Variants in ATG7 observed in about 807,000 individuals in gnomAD.
The protein encoded by ATG7 is ubiquitin-like modifier-activating enzyme ATG7.
ATG7 carries 70 observed loss-of-function variants against 82.4 expected under a neutral mutation model. The observed-to-expected ratio is 0.85, with a 90% CI of 0.70 to 1.04. ATG7 has a LOEUF of 1.04. Among genes scored for constraint, ATG7 ranks in the 50% least tolerant of loss-of-function variants. ATG7 has a pLI of 0.00. For missense variants in ATG7, 792 were observed against 864.3 expected, an observed-to-expected ratio of 0.92 and a Z score of 1.05; for synonymous variants, 287 against 313.0, an observed-to-expected ratio of 0.92 and a Z score of 0.88.
chr3:11,499,340 T>C (rs538822485), intron 20 of ATG7, among the ~76,000 whole-genome samples: 4 of 152,182 alleles, frequency 2.6e-5, no homozygotes, highest in Admixed American at 6.5e-5. Flanking sequence ...TCCAAAGATA[T>C]GAGATCATCA....
intron 20 of ATG7, among the ~76,000 whole-genome samples, chr3:11,548,278 T>G (rs1022503488): frequency 6.6e-6 from 1 of 152,204 alleles, no homozygotes; most frequent in Non-Finnish European, 1.5e-5. Context: ...TCTTTATATA[T>G]TCTAGATACA....
At chr3:11,421,200 G>T (rs1161554761) in intron 19 of ATG7, among the ~76,000 whole-genome samples, 3 of 152,086 alleles carry the variant, frequency 2.0e-5, no homozygotes, top group African/African-American at 4.8e-5. Context: ...GGGTGGCTGT[G>T]GCATTTTCTT....
At chr3:11,527,768 T>C (rs2092615314) in intron 20 of ATG7, among the ~76,000 whole-genome samples, 1 of 152,244 alleles carries the variant, frequency 6.6e-6, no homozygotes. Flanking sequence ...GTAACACTCT[T>C]AGTTTTAATT....
intron 20 of ATG7, among the ~76,000 whole-genome samples, chr3:11,471,773 T>G (rs964462932): frequency 4.7e-5 from 6 of 128,334 alleles, no homozygotes; most frequent in African/African-American, 1.8e-4. Context: ...AAATGTAGTC[T>G]CTATCGCCCA....
the ATG7 span, among the ~76,000 whole-genome samples, chr3:11,569,560 G>A: frequency 6.6e-6 from 1 of 152,248 alleles, no homozygotes; most frequent in African/African-American, 2.4e-5. Flanking sequence ...GGAGACAAGA[G>A]ATTCAAAGGA....
At chr3:11,344,507 A>G (rs940317104) in intron 13 of ATG7, among the ~76,000 whole-genome samples, 8 of 152,166 alleles carry the variant, frequency 5.3e-5, no homozygotes, top group Admixed American at 2.0e-4. Context: ...AATAAACCCT[A>G]TTTGTACGTG....
At chr3:11,573,312 G>A in the ATG7 span, among the ~76,000 whole-genome samples, 435 of 9,508 alleles carry the variant, frequency 0.046, 24 homozygotes, top group Middle Eastern at 0.11. Flanking sequence ...AGAAAGGAAG[G>A]AAGGAAGAAA....
intron 20 of ATG7, among the ~76,000 whole-genome samples, chr3:11,451,803 ATT>A (rs768852930): frequency 2.9e-5 from 4 of 139,642 alleles, no homozygotes; most frequent in African/African-American, 5.3e-5. Context: ...AAAAAAACAA[ATT>A]AAAAAAACCC....
intron 12 of ATG7, 70 bp downstream of exon 12, chr3:11,340,805 C>A: frequency 7.2e-7 from 1 of 1,386,952 alleles, no homozygotes; most frequent in Non-Finnish European, 1.0e-6. Context: ...TTCTGTCAGG[C>A]CAACACAACA....
intron 3 of ATG7, among the ~76,000 whole-genome samples, chr3:11,284,682 G>A (rs1943649003): frequency 6.6e-6 from 1 of 151,914 alleles, no homozygotes; most frequent in Non-Finnish European, 1.5e-5. Flanking sequence ...CTCCTGAGTA[G>A]TCGGGACCAC....
At chr3:11,365,857 C>T (rs1292683085) in intron 18 of ATG7, among the ~76,000 whole-genome samples, 1 of 152,146 alleles carries the variant, frequency 6.6e-6, no homozygotes, top group Non-Finnish European at 1.5e-5. Flanking sequence ...TTGAAAGATC[C>T]GTGGCCTGCA....
chr3:11,364,221 G>A (rs539273048), intron 17 of ATG7, among the ~76,000 whole-genome samples: 2 of 152,250 alleles, frequency 1.3e-5, no homozygotes, highest in Non-Finnish European at 2.9e-5. Flanking sequence ...AGAAGTTAAG[G>A]TTAGAAAATT....
In ATG7 at chr3:11,478,001, T is replaced by C. The variant is rs531485912; in HGVS notation, c.2079+51075T>C. On this transcript the variant is annotated intron_variant, in intron 20 of 20. Transcript: ENST00000693202. ...CTCGGGAAAGGATTCTGATTGCCCC[T>C]ACTTGGCTCATATACCCATCCCTGG... Among the ~76,000 whole-genome samples the C allele has an allele frequency of 3.3e-5, 5 of 152,294 alleles. No individual in the cohort carries two copies. The East Asian group carries it at 9.7e-4, about 29-fold the overall frequency.
At chr3:11,559,552 G>A (rs1334870035), downstream of ATG7, 3 of 1,413,016 alleles carry the variant, frequency 2.1e-6, 1 homozygote, top group African/African-American at 4.4e-5. Context: ...CTGTCCTGGT[G>A]CCCTTCCTGA....
chr3:11,322,542 C>T (rs1349600328), intron 9 of ATG7, among the ~76,000 whole-genome samples: 2 of 151,968 alleles, frequency 1.3e-5, no homozygotes, highest in Non-Finnish European at 2.9e-5. Context: ...TCCTTTTAAT[C>T]CTGTGCATTT....
chr3:11,333,661 T>C (rs1417156521), intron 11 of ATG7, among the ~76,000 whole-genome samples: 1 of 151,910 alleles, frequency 6.6e-6, no homozygotes, highest in East Asian at 1.9e-4. Context: ...TATATACACA[T>C]ATATATATTT....
intron 19 of ATG7, among the ~76,000 whole-genome samples, chr3:11,392,519 A>G (rs1275702539): frequency 2.6e-5 from 4 of 151,958 alleles, no homozygotes; most frequent in African/African-American, 9.7e-5. Flanking sequence ...GTATCATTGC[A>G]TTCTAGGGGC....
intron 19 of ATG7, among the ~76,000 whole-genome samples, chr3:11,405,394 G>A (rs1249823967): frequency 6.6e-6 from 1 of 152,140 alleles, no homozygotes; most frequent in Non-Finnish European, 1.5e-5. Flanking sequence ...AGGAGAAGTT[G>A]AAATGCCAAA....
chr3:11,418,200 GT>G (rs2081574286), intron 19 of ATG7, among the ~76,000 whole-genome samples: 1 of 150,278 alleles, frequency 6.7e-6, no homozygotes, highest in African/African-American at 2.5e-5. Flanking sequence ...AACCTCCCGG[GT>G]TTAAGCCATC....
Sources: gnomAD v4.1 joint callset for allele counts (sites outside exome capture counted in the v4.1 genomes callset) on GRCh38, gnomAD v4.1.1 for gene constraint, MANE v1.5 for transcripts, NCBI Gene and HGNC (gene_info 2026-07-23, HGNC 2026-07-21) for gene names.